HSPBAP1: variants seen among roughly 807,000 people sequenced by gnomAD.
HSPBAP1 encodes HSPB1 associated protein 1, also known as HSPB1-associated protein 1.
A neutral mutation model predicts 45.2 loss-of-function variants in HSPBAP1; 27 were observed. The observed-to-expected ratio is 0.60, with a 90% CI of 0.44 to 0.82. The LOEUF (loss-of-function observed/expected upper bound fraction) is 0.82, where lower values mean the gene tolerates loss of function less well. HSPBAP1 is among the 40% of genes least tolerant of loss of function. The pLI, the probability that HSPBAP1 is intolerant of heterozygous loss-of-function variation, is 0.00. For missense variants in HSPBAP1, 510 were observed against 590.9 expected, an observed-to-expected ratio of 0.86 and a Z score of 1.42; for synonymous variants, 204 against 202.7, an observed-to-expected ratio of 1.01 and a Z score of -0.06.
rs1934483935 is a variant in HSPBAP1, at chr3:122,759,322, A to G, written c.471T>C (p.Asn157=). The part of the protein sequence containing the change: ...KWSDFGFPGR[N]GQESTLWIGS... Reference sequence around the variant, plus strand: ...CAATCCACAATGTACTTTCCTGTCCATTTCTTCCAGGAAACCCGAAGTCAG... The same window carrying G: ...CAATCCACAATGTACTTTCCTGTCCGTTTCTTCCAGGAAACCCGAAGTCAG... Residue 157 remains asparagine (N), a synonymous_variant, in exon 4 of 8, where the codon AAT becomes AAC. Coordinates refer to ENST00000306103, the MANE Select transcript of HSPBAP1 (RefSeq NM_024610.6). 1 of 1,613,896 alleles carries G rather than the reference A, an allele frequency of 6.2e-7. No homozygotes were observed. The highest frequency in any genetic ancestry group is 1.7e-5 in the Admixed American group (1 of 60,008).
intron 2 of HSPBAP1, 57 bp from the exon 3 acceptor site, chr3:122,768,939 G>A: frequency 9.9e-7 from 1 of 1,012,498 alleles, no homozygotes; most frequent in Non-Finnish European, 1.4e-6. Flanking sequence ...CCTAATTATT[G>A]TTTTTTTTTT....
chr3:122,779,020 A>G (rs1323134893), intron 1 of HSPBAP1, among the ~76,000 whole-genome samples: 1 of 149,868 alleles, frequency 6.7e-6, no homozygotes, highest in Non-Finnish European at 1.5e-5. Flanking sequence ...AATGTGATAG[A>G]TTTCATTTTC....
intron 1 of HSPBAP1, among the ~76,000 whole-genome samples, chr3:122,783,259 T>C (rs1176477209): frequency 6.6e-6 from 1 of 152,250 alleles, no homozygotes; most frequent in East Asian, 1.9e-4. Flanking sequence ...GTCGTGTTTT[T>C]CACTTTTGAC....
chr3:122,745,409 T>C (rs941480099), intron 6 of HSPBAP1, among the ~76,000 whole-genome samples: 9 of 152,208 alleles, frequency 5.9e-5, no homozygotes, highest in Non-Finnish European at 1.2e-4. Context: ...AGATGAAATA[T>C]GGCAGTCCGC....
At chr3:122,762,533 T>C (rs959732479) in intron 3 of HSPBAP1, among the ~76,000 whole-genome samples, 1 of 152,214 alleles carries the variant, frequency 6.6e-6, no homozygotes, top group Non-Finnish European at 1.5e-5. Flanking sequence ...TGTCTCTTAC[T>C]TGCAGACTGT....
intron 1 of HSPBAP1, among the ~76,000 whole-genome samples, chr3:122,790,318 A>T (rs1253205483): frequency 6.6e-6 from 1 of 152,186 alleles, no homozygotes; most frequent in Non-Finnish European, 1.5e-5. Flanking sequence ...CAATGGATAC[A>T]AGTCTTCCCC....
intron 1 of HSPBAP1, among the ~76,000 whole-genome samples, chr3:122,791,713 G>T (rs998180222): frequency 2.6e-5 from 4 of 152,162 alleles, no homozygotes; most frequent in Admixed American, 6.5e-5. Flanking sequence ...AAAAGCTAAA[G>T]ATTAAGCCAG....
At chr3:122,760,000 C>T (rs774273673) in intron 3 of HSPBAP1, among the ~76,000 whole-genome samples, 1 of 152,144 alleles carries the variant, frequency 6.6e-6, no homozygotes, top group African/African-American at 2.4e-5. Context: ...TGTCAAAATA[C>T]ATCTTTTGAA....
At position 122,755,063 on chromosome 3, in the gene HSPBAP1, T is replaced by C. The variant is rs200739843; in HGVS notation, c.741+197A>G. The C allele has an allele frequency of 2.7e-4, 332 of 1,219,452 alleles. 1 individual carries two copies. The highest frequency in any genetic ancestry group is 1.6e-3 in the Middle Eastern group (5 of 3,132). The allele number at this position is 1,219,452 out of a possible 1,614,324, so 75.5% of individuals were successfully genotyped here. ...GCTGTGTTCCCTCTTGCCATTTCCT[T>C]TCCAGGACCTGTGAAGCAGAGGTGT... On this transcript the variant is annotated intron_variant, in intron 5 of 7. Coordinates refer to ENST00000306103, the MANE Select transcript of HSPBAP1 (RefSeq NM_024610.6).
At chr3:122,781,717 TGTG>T (rs1260774481) in intron 1 of HSPBAP1, among the ~76,000 whole-genome samples, 1 of 152,216 alleles carries the variant, frequency 6.6e-6, no homozygotes, top group Non-Finnish European at 1.5e-5. Context: ...AGTGAGAACT[TGTG>T]GTATTTGGCT....
At chr3:122,741,178 T>C (rs1348448045) in intron 6 of HSPBAP1, 65 bp from the exon 7 acceptor site, 1 of 1,158,036 alleles carries the variant, frequency 8.6e-7, no homozygotes, top group Non-Finnish European at 1.3e-6. Flanking sequence ...GATAATAAAG[T>C]CTGTTTTAAT....
Position 122,755,450 on chromosome 3 carries a change from A to AAAAAGAT in HSPBAP1, c.570-20_570-19insATCTTTT. 1 of 1,447,980 alleles carries AAAAAGAT rather than the reference A, an allele frequency of 6.9e-7. No homozygotes were observed. The highest frequency in any genetic ancestry group is 9.2e-7 in the Non-Finnish European group (1 of 1,088,406). The allele number at this position is 1,447,980 out of a possible 1,614,324, so 89.7% of individuals were successfully genotyped here. A position where few individuals can be genotyped will look rare whatever the true frequency, so the allele number is the denominator to read the frequency against. The stretch of plus-strand genomic sequence containing the variant: ...TCGTTTCCTAATTAAAAAAAAAAAA[A>AAAAAGAT]AAAGATACAAGTTAGTACTCTGACC... On this transcript the variant is annotated intron_variant, in intron 4 of 7. Coordinates refer to ENST00000306103, the MANE Select transcript of HSPBAP1 (RefSeq NM_024610.6).
At chr3:122,743,802 C>T (rs566444159) in intron 6 of HSPBAP1, among the ~76,000 whole-genome samples, 3 of 152,078 alleles carry the variant, frequency 2.0e-5, no homozygotes, top group African/African-American at 2.4e-5. Context: ...GGAGAGTGAA[C>T]GGAACAGACA....
chr3:122,790,105 T>G (rs1935777825), intron 1 of HSPBAP1, among the ~76,000 whole-genome samples: 1 of 152,144 alleles, frequency 6.6e-6, no homozygotes. Flanking sequence ...TCAAGCGATC[T>G]GCCTGCCTCG....
At position 122,793,726 on chromosome 3, in the gene HSPBAP1, C is replaced by G; in HGVS notation, c.-46G>C. 6.3e-7 allele frequency: 1 copy of G among 1,596,888 alleles called. No individual in the cohort carries two copies. The highest frequency in any genetic ancestry group is 1.1e-5 in the South Asian group (1 of 90,734). On this transcript the variant is annotated 5_prime_UTR_variant, in exon 1 of 8. Coordinates refer to ENST00000306103, the MANE Select transcript of HSPBAP1 (RefSeq NM_024610.6). ...TGCCGGAACCCAAGGCGGAGCGGAGCTGGGGTGGGGTCAGAGTAGGGGCCA... is the reference window on the plus strand; with the variant it reads ...TGCCGGAACCCAAGGCGGAGCGGAGGTGGGGTGGGGTCAGAGTAGGGGCCA...
chr3:122,746,916 A>G (rs1933887272), intron 6 of HSPBAP1, among the ~76,000 whole-genome samples: 1 of 151,844 alleles, frequency 6.6e-6, no homozygotes, highest in Admixed American at 6.6e-5. Context: ...CGGCCTCCCG[A>G]GGTGCTGGGA....
intron 1 of HSPBAP1, 103 bp downstream of exon 1, chr3:122,793,514 G>C: frequency 1.1e-6 from 1 of 917,018 alleles, no homozygotes; most frequent in Non-Finnish European, 1.8e-6. Flanking sequence ...CAAGGCCAGA[G>C]AGACCTGGGT....
chr3:122,781,147 C>G (rs536365505), intron 1 of HSPBAP1, among the ~76,000 whole-genome samples: 185 of 150,674 alleles, frequency 1.2e-3, no homozygotes, highest in African/African-American at 4.3e-3. Context: ...ACTTCCCAGA[C>G]GGGGTGGCGG....
intron 6 of HSPBAP1, 147 bp from the exon 7 acceptor site, chr3:122,741,260 A>G (rs1449148408): frequency 1.6e-5 from 10 of 626,948 alleles, no homozygotes; most frequent in Non-Finnish European, 2.8e-5. Flanking sequence ...TAGAACCACA[A>G]TTTTTGTGTA....
Sources: allele counts gnomAD v4.1 joint callset (sites outside exome capture counted in the v4.1 genomes callset), GRCh38; gene constraint gnomAD v4.1.1; transcripts MANE v1.5; gene names NCBI Gene and HGNC (gene_info 2026-07-23, HGNC 2026-07-21).